KCNJ16: variants seen among roughly 807,000 people sequenced by gnomAD.
KCNJ16 encodes the protein inward rectifier potassium channel 16.
In KCNJ16, 15 loss-of-function variants were observed where a neutral mutation model predicts 18.5. The ratio of observed to expected loss-of-function variants is 0.81; its 90% confidence interval spans 0.54 to 1.25. The LOEUF (loss-of-function observed/expected upper bound fraction) is 1.25, where lower values mean the gene tolerates loss of function less well. KCNJ16 is among the 50% of genes most tolerant of loss of function. The pLI, the probability that KCNJ16 is intolerant of heterozygous loss-of-function variation, is 0.00. For missense variants in KCNJ16, 523 were observed against 525.7 expected, an observed-to-expected ratio of 0.99 and a Z score of 0.05; for synonymous variants, 174 against 186.5, an observed-to-expected ratio of 0.93 and a Z score of 0.55.
chr17:70,115,027 G>C (rs527767917), intron 2 of KCNJ16, among the ~76,000 whole-genome samples: 16 of 152,212 alleles, frequency 1.1e-4, no homozygotes, highest in Non-Finnish European at 1.6e-4. Flanking sequence ...GCTCAAAGAC[G>C]TCGATTAGTT....
chr17:70,109,860 G>C (rs920115023), intron 2 of KCNJ16, among the ~76,000 whole-genome samples: 1 of 152,006 alleles, frequency 6.6e-6, no homozygotes, highest in Non-Finnish European at 1.5e-5. Flanking sequence ...GATCCTCTCA[G>C]CTCCCAGCCC....
chr17:70,084,949 T>C (rs1017035640), intron 1 of KCNJ16, among the ~76,000 whole-genome samples: 5 of 152,178 alleles, frequency 3.3e-5, no homozygotes, highest in African/African-American at 1.2e-4. Context: ...TAGATTGTGT[T>C]TGGCCAACGC....
intron 2 of KCNJ16, among the ~76,000 whole-genome samples, chr17:70,107,701 A>T (rs1432639853): frequency 6.6e-6 from 1 of 152,198 alleles, no homozygotes; most frequent in Non-Finnish European, 1.5e-5. Flanking sequence ...AAAAAAAATT[A>T]GAAGACTCAA....
intron 2 of KCNJ16, among the ~76,000 whole-genome samples, chr17:70,130,286 T>C (rs1392397936): frequency 2.0e-5 from 3 of 152,202 alleles, no homozygotes; most frequent in African/African-American, 7.2e-5. Context: ...ACAAAATTTG[T>C]GAAAATATTT....
At chr17:70,126,005 T>C (rs2073842944) in intron 2 of KCNJ16, among the ~76,000 whole-genome samples, 1 of 151,874 alleles carries the variant, frequency 6.6e-6, no homozygotes, top group Non-Finnish European at 1.5e-5. Context: ...GGGCAGAGCA[T>C]TCCCAAAAGC....
chr17:70,096,656 T>C (rs1312129810), intron 1 of KCNJ16: 2 of 307,110 alleles, frequency 6.5e-6, no homozygotes, highest in South Asian at 1.6e-4. Context: ...TTTTGTACTA[T>C]TGATGTGACA....
At chr17:70,090,249 A>G (rs780330995) in intron 1 of KCNJ16, among the ~76,000 whole-genome samples, 21 of 152,166 alleles carry the variant, frequency 1.4e-4, no homozygotes, top group Non-Finnish European at 2.4e-4. Context: ...TTTTCCCTTT[A>G]AAGAAAATTC....
intron 1 of KCNJ16, 42 bp downstream of exon 1, chr17:70,075,432 A>G (rs1336104960): frequency 6.6e-6 from 1 of 152,184 alleles, no homozygotes; most frequent in African/African-American, 2.4e-5. Flanking sequence ...CATTCAGCCT[A>G]TGTTTTGCTC....
In KCNJ16 at chr17:70,132,623, C is replaced by T. The variant is rs1223989595; in HGVS notation, c.536C>T (p.Ala179Val). 1.2e-6 allele frequency: 2 copies of T among 1,614,170 alleles called. No individual in the cohort carries two copies. The highest frequency in any genetic ancestry group is 1.7e-6 in the Non-Finnish European group (2 of 1,180,042). The change falls in exon 4 of 4, where the codon GCC becomes GTC. Residue 179 changes from alanine (A) to valine (V), a missense_variant. Physicochemically the swap from Ala to Val is moderately conservative, Grantham distance 64 (BLOSUM62 0). Coordinates refer to ENST00000392671, the MANE Select transcript of KCNJ16 (RefSeq NM_170741.4). ...LAKMATARKR[A>V]QTIRFSYFAL... ...AAAATGGCAACTGCTCGAAAGAGAG[C>T]CCAAACCATTCGTTTCAGCTACTTT... is the stretch of plus-strand genomic sequence containing the variant.
At chr17:70,131,860 CA>C in intron 3 of KCNJ16, 134 bp from the exon 4 acceptor site, 1 of 732,674 alleles carries the variant, frequency 1.4e-6, no homozygotes, top group South Asian at 2.0e-5. Flanking sequence ...AATGAGTAAT[CA>C]ATACTGTGCA....
intron 3 of KCNJ16, 124 bp downstream of exon 3, chr17:70,131,099 A>C (rs932551700): frequency 9.4e-7 from 1 of 1,065,640 alleles, no homozygotes; most frequent in African/African-American, 1.6e-5. Context: ...GAAGGGTTCA[A>C]TTGTAGCGTG....
At chr17:70,115,983 A>ATTAATTACAATATTAAT (rs2073385668) in intron 2 of KCNJ16, among the ~76,000 whole-genome samples, 1 of 152,186 alleles carries the variant, frequency 6.6e-6, no homozygotes, top group African/African-American at 2.4e-5. Flanking sequence ...CCCTTTACAA[A>ATTAATTACAATATTAAT]GCCTCAGAAT....
At chr17:70,120,617 C>G (rs754969692) in intron 2 of KCNJ16, among the ~76,000 whole-genome samples, 2 of 152,084 alleles carry the variant, frequency 1.3e-5, no homozygotes, top group Non-Finnish European at 2.9e-5. Flanking sequence ...ATGGTGAAAG[C>G]AGAAGTAAGC....
intron 1 of KCNJ16, among the ~76,000 whole-genome samples, chr17:70,080,722 C>T (rs1447957950): frequency 1.3e-5 from 2 of 152,132 alleles, no homozygotes; most frequent in African/African-American, 4.8e-5. Flanking sequence ...CAAACTTGGC[C>T]AGTCTTTTCA....
chr17:70,116,814 C>T lies in KCNJ16; in HGVS notation c.-190-14065C>T, dbSNP rs184085233. 3.9e-5 allele frequency among the ~76,000 whole-genome samples: 6 copies of T among 152,184 alleles called. No individual in the cohort carries two copies. The East Asian group carries it at 9.7e-4, about 25-fold the overall frequency. ...TAACTTTAAAAACAACAGATGTTAG[C>T]GAGGCTGCGGAGAAAAGGGAGTGCT... On this transcript the variant is annotated intron_variant, in intron 2 of 3. Transcript: ENST00000392671.
intron 2 of KCNJ16, among the ~76,000 whole-genome samples, chr17:70,121,264 T>C (rs1050232152): frequency 1.3e-5 from 2 of 152,218 alleles, no homozygotes; most frequent in African/African-American, 4.8e-5. Flanking sequence ...CAGTTTAATG[T>C]AATCAGCTAC....
At chr17:70,077,181 G>C (rs1009698457) in intron 1 of KCNJ16, among the ~76,000 whole-genome samples, 2 of 152,164 alleles carry the variant, frequency 1.3e-5, no homozygotes, top group Non-Finnish European at 2.9e-5. Flanking sequence ...GGAGTAGCAG[G>C]GAATACATGA....
At chr17:70,085,518 C>T (rs1181094051) in intron 1 of KCNJ16, among the ~76,000 whole-genome samples, 1 of 152,180 alleles carries the variant, frequency 6.6e-6, no homozygotes, top group Non-Finnish European at 1.5e-5. Context: ...AAATTCATAT[C>T]TGTGTTATTA....
At chr17:70,077,542 C>T (rs2071366575) in intron 1 of KCNJ16, among the ~76,000 whole-genome samples, 1 of 152,168 alleles carries the variant, frequency 6.6e-6, no homozygotes, top group Non-Finnish European at 1.5e-5. Flanking sequence ...ACACAGAAGC[C>T]AGGCCCTCTG....
Sources: gnomAD v4.1 joint callset for allele counts (sites outside exome capture counted in the v4.1 genomes callset) on GRCh38, gnomAD v4.1.1 for gene constraint, MANE v1.5 for transcripts, NCBI Gene and HGNC (gene_info 2026-07-23, HGNC 2026-07-21) for gene names.